Variants in FAM81A observed in about 807,000 individuals in gnomAD.
FAM81A encodes the protein family with sequence similarity 81 member A, also known as protein FAM81A.
FAM81A carries 19 observed loss-of-function variants against 46.7 expected under a neutral mutation model. That is an observed-to-expected ratio of 0.41 (90% CI 0.28 to 0.60). The LOEUF (loss-of-function observed/expected upper bound fraction) is 0.60. Among genes scored for constraint, FAM81A ranks in the 20% least tolerant of loss-of-function variants. FAM81A has a pLI of 0.34. For missense variants in FAM81A, 377 were observed against 453.5 expected, an observed-to-expected ratio of 0.83 and a Z score of 1.53; for synonymous variants, 183 against 152.9, an observed-to-expected ratio of 1.20 and a Z score of -1.45.
intron 1 of FAM81A, among the ~76,000 whole-genome samples, chr15:59,452,436 T>TAGGA (rs1306562003): frequency 6.6e-6 from 1 of 152,156 alleles, no homozygotes; most frequent in African/African-American, 2.4e-5. Context: ...TACTTGAGGC[T>TAGGA]GGGAGTTTGA....
At chr15:59,427,209 C>A (rs2141559656) in intron 2 of FAM81A, among the ~76,000 whole-genome samples, 1 of 152,268 alleles carries the variant, frequency 6.6e-6, no homozygotes, top group Middle Eastern at 3.4e-3. Context: ...CTCCTGGGTT[C>A]AAGTGATTCT....
chr15:59,420,476 A>T (rs2081166846), intron 2 of FAM81A, among the ~76,000 whole-genome samples: 1 of 152,244 alleles, frequency 6.6e-6, no homozygotes, highest in Admixed American at 6.5e-5. Context: ...AAATTAGGAC[A>T]GCTGAGTCTA....
At chr15:59,499,915 T>A (rs556807628) in intron 4 of FAM81A, among the ~76,000 whole-genome samples, 118 of 151,574 alleles carry the variant, frequency 7.8e-4, no homozygotes, top group African/African-American at 2.4e-3. Flanking sequence ...TGCAGTGGCA[T>A]GATCTCAGCT....
Position 59,482,104 on chromosome 15 carries a change from C to A in FAM81A, c.295-10167C>A, listed in dbSNP as rs531588143. Among the ~76,000 whole-genome samples the A allele has an allele frequency of 3.3e-5, 5 of 152,166 alleles. No homozygotes were observed. The South Asian group carries it at 8.3e-4, about 25-fold the overall frequency. On this transcript the variant is annotated intron_variant, in intron 3 of 8. Transcript: ENST00000288228. Reference sequence around the variant, plus strand: ...GTATGCTATAATAGTATGATTTGTACTTCTTATTTCTTTGCTTTACTAGAA... The same window carrying A: ...GTATGCTATAATAGTATGATTTGTAATTCTTATTTCTTTGCTTTACTAGAA...
intron 3 of FAM81A, among the ~76,000 whole-genome samples, chr15:59,480,128 A>G: frequency 6.6e-6 from 1 of 152,150 alleles, no homozygotes; most frequent in South Asian, 2.1e-4. Context: ...GGAGGGAGAG[A>G]CTTCTATCAA....
At chr15:59,513,419 A>T (rs1399602067) in intron 6 of FAM81A, among the ~76,000 whole-genome samples, 17 of 152,166 alleles carry the variant, frequency 1.1e-4, no homozygotes, top group African/African-American at 3.9e-4. Flanking sequence ...GACCCTCGGA[A>T]CTGCCGGGGT....
At chr15:59,485,741 A>G (rs1198947953) in intron 3 of FAM81A, among the ~76,000 whole-genome samples, 2 of 152,240 alleles carry the variant, frequency 1.3e-5, no homozygotes, top group Non-Finnish European at 2.9e-5. Flanking sequence ...ACTAAATAAG[A>G]CACCAGAAGT....
Position 59,484,528 on chromosome 15 carries a change from G to T in FAM81A, c.295-7743G>T, listed in dbSNP as rs578067928. Among the ~76,000 whole-genome samples the T allele has an allele frequency of 7.9e-5, 12 of 152,320 alleles. No individual in the cohort carries two copies. In the South Asian group the frequency reaches 8.3e-4, roughly 11 times the overall value. On this transcript the variant is annotated intron_variant, in intron 3 of 8. Transcript: ENST00000288228. ...CCATTCCCTGTCAGCGGACCACATGGCCCGGAGAGAGAATCTGTGTGCTTT... is the reference window on the plus strand; with the variant it reads ...CCATTCCCTGTCAGCGGACCACATGTCCCGGAGAGAGAATCTGTGTGCTTT...
intron 3 of FAM81A, among the ~76,000 whole-genome samples, chr15:59,490,389 T>C (rs528864651): frequency 6.6e-6 from 1 of 150,414 alleles, no homozygotes; most frequent in African/African-American, 2.5e-5. Context: ...CTCAAACAAC[T>C]CTATAAGAAA....
At chr15:59,425,521 A>G (rs1447946755) in intron 2 of FAM81A, among the ~76,000 whole-genome samples, 1 of 152,210 alleles carries the variant, frequency 6.6e-6, no homozygotes, top group Non-Finnish European at 1.5e-5. Flanking sequence ...TTTATAAAGT[A>G]TTATTACAGT....
chr15:59,422,373 G>C (rs1596464445), intron 2 of FAM81A, among the ~76,000 whole-genome samples: 1 of 152,308 alleles, frequency 6.6e-6, no homozygotes, highest in East Asian at 1.9e-4. Context: ...GGGTGACAGA[G>C]TGAGACCTTG....
chr15:59,410,793 T>C (rs2081117013), intron 2 of FAM81A, among the ~76,000 whole-genome samples: 1 of 152,234 alleles, frequency 6.6e-6, no homozygotes, highest in East Asian at 1.9e-4. Context: ...ACCCAGGCTA[T>C]TGTGCAGTGG....
chr15:59,483,413 ATTTCT>A (rs1256606873), intron 3 of FAM81A, among the ~76,000 whole-genome samples: 2 of 151,954 alleles, frequency 1.3e-5, no homozygotes, highest in African/African-American at 4.8e-5. Flanking sequence ...TACATTCCTA[ATTTCT>A]TTTTTTTTAC....
intron 1 of FAM81A, chr15:59,445,053 A>G (rs1463497952): frequency 3.3e-5 from 5 of 152,228 alleles, no homozygotes; most frequent in African/African-American, 1.2e-4. Flanking sequence ...GTTGCTACCA[A>G]GGGAACATTG....
intron 6 of FAM81A, among the ~76,000 whole-genome samples, chr15:59,509,608 G>C (rs1159542923): frequency 7.9e-5 from 12 of 152,178 alleles, no homozygotes; most frequent in Admixed American, 2.6e-4. Flanking sequence ...GATGCACTTT[G>C]AGGACGGGGC....
intron 8 of FAM81A, among the ~76,000 whole-genome samples, chr15:59,518,230 G>A (rs995213241): frequency 2.6e-5 from 4 of 151,048 alleles, no homozygotes; most frequent in Admixed American, 6.6e-5. Flanking sequence ...CTCCCGCCTC[G>A]GCCTGCTGAA....
intron 1 of FAM81A, among the ~76,000 whole-genome samples, chr15:59,446,102 A>T (rs184888698): frequency 7.7e-4 from 117 of 152,340 alleles, no homozygotes; most frequent in African/African-American, 2.6e-3. Context: ...ACAAATATGT[A>T]TGAGTGTCCG....
At chr15:59,488,131 A>G (rs1195423531) in intron 3 of FAM81A, among the ~76,000 whole-genome samples, 1 of 152,234 alleles carries the variant, frequency 6.6e-6, no homozygotes, top group South Asian at 2.1e-4. Flanking sequence ...CAAATCAATC[A>G]GTGTGATACA....
In FAM81A at chr15:59,460,188, A is replaced by G; in HGVS notation, c.276A>G (p.Gln92=). ...HIRNITAIVK[Q]LNRDIEVLQE... ...GAAACATAACTGCCATAGTGAAGCA[A>G]CTTAATCGGGATATCGAGGTAAGGT... The change falls in exon 3 of 9, where the codon CAA becomes CAG. Residue 92 remains glutamine, a synonymous_variant. Transcript: ENST00000288228. The surrounding 1 kb of genome is among the most constrained non-coding windows in gnomAD (Gnocchi z 4.4). 3 of 1,614,050 alleles carry G rather than the reference A, an allele frequency of 1.9e-6. No individual in the cohort carries two copies. The highest frequency in any genetic ancestry group is 2.5e-6 in the Non-Finnish European group (3 of 1,179,898).
Sources: gnomAD v4.1 joint callset for allele counts (sites outside exome capture counted in the v4.1 genomes callset) on GRCh38, gnomAD v4.1.1 for gene constraint, Gnocchi (gnomAD v3.1) non-coding constraint, MANE v1.5 for transcripts, NCBI Gene and HGNC (gene_info 2026-07-23, HGNC 2026-07-21) for gene names.